Variants in CHCHD6 observed in about 807,000 individuals in gnomAD.
The protein encoded by CHCHD6 is MICOS complex subunit MIC25.
In CHCHD6, 28 loss-of-function variants were observed where a neutral mutation model predicts 32.3. The ratio of observed to expected loss-of-function variants is 0.87; its 90% CI spans 0.64 to 1.19. CHCHD6 has a LOEUF of 1.19. CHCHD6 is among the 50% of genes most tolerant of loss of function. The pLI, the probability that CHCHD6 is intolerant of heterozygous loss-of-function variation, is 0.00. For synonymous variants in CHCHD6, 122 were observed against 117.5 expected (o/e 1.04, Z -0.25); for missense variants, 333 against 307.0 (o/e 1.08, Z -0.63).
intron 4 of CHCHD6, among the ~76,000 whole-genome samples, chr3:126,775,390 T>A (rs1559836418): frequency 6.6e-6 from 1 of 152,194 alleles, no homozygotes; most frequent in Non-Finnish European, 1.5e-5. Flanking sequence ...TTCCCTCTCT[T>A]ATGAATTGCC....
chr3:126,952,707 T>G (rs1439088462), intron 6 of CHCHD6, among the ~76,000 whole-genome samples: 1 of 152,140 alleles, frequency 6.6e-6, no homozygotes, highest in Non-Finnish European at 1.5e-5. Context: ...TTGAAAAGCT[T>G]TTCCATATTT....
intron 5 of CHCHD6, among the ~76,000 whole-genome samples, chr3:126,911,778 C>G (rs1247208805): frequency 6.6e-6 from 1 of 152,244 alleles, no homozygotes; most frequent in Admixed American, 6.5e-5. Context: ...AGCACAGGCT[C>G]TGAGTGTCTA....
At chr3:126,862,430 C>G (rs1941954368) in intron 5 of CHCHD6, among the ~76,000 whole-genome samples, 1 of 116,994 alleles carries the variant, frequency 8.5e-6, no homozygotes, top group Admixed American at 9.0e-5. Flanking sequence ...ATCACCACCT[C>G]CTCCTCCTCC....
chr3:126,913,207 CTTTTTTTTTTTTTTTTT>C (rs546179022), intron 5 of CHCHD6, among the ~76,000 whole-genome samples: 66 of 33,780 alleles, frequency 2.0e-3, no homozygotes, highest in Non-Finnish European at 2.8e-3. Flanking sequence ...CCGTATGAGC[CTTTTTTTTTTTTTTTTT>C]TTTTTTTTTT....
At chr3:126,825,263 G>A (rs930391748) in intron 4 of CHCHD6, among the ~76,000 whole-genome samples, 3 of 151,912 alleles carry the variant, frequency 2.0e-5, no homozygotes, top group Non-Finnish European at 4.4e-5. Flanking sequence ...TAATTTCATG[G>A]TACTTAAATA....
At chr3:126,924,300 C>T (rs569405436) in intron 6 of CHCHD6, among the ~76,000 whole-genome samples, 18 of 152,214 alleles carry the variant, frequency 1.2e-4, no homozygotes, top group East Asian at 1.9e-4. Flanking sequence ...ATGTTCCTGA[C>T]GGGAGATAAT....
intron 4 of CHCHD6, among the ~76,000 whole-genome samples, chr3:126,827,887 G>A (rs1221004574): frequency 6.6e-6 from 1 of 152,184 alleles, no homozygotes; most frequent in African/African-American, 2.4e-5. Context: ...CACATGTTCA[G>A]AAATGTCAAA....
chr3:126,765,893 C>G (rs371361227), intron 4 of CHCHD6, among the ~76,000 whole-genome samples: 2 of 152,228 alleles, frequency 1.3e-5, no homozygotes, highest in Non-Finnish European at 2.9e-5. Flanking sequence ...GAACCAACAC[C>G]GGCTTAGGCC....
intron 5 of CHCHD6, among the ~76,000 whole-genome samples, chr3:126,912,252 C>G (rs963261024): frequency 1.3e-5 from 2 of 152,190 alleles, no homozygotes; most frequent in African/African-American, 2.4e-5. Flanking sequence ...CTAAGCAGTT[C>G]CCACCCAGGC....
chr3:126,850,974 A>AT (rs1375476680), intron 4 of CHCHD6, among the ~76,000 whole-genome samples: 3 of 152,150 alleles, frequency 2.0e-5, no homozygotes, highest in Non-Finnish European at 4.4e-5. Context: ...CCTTCCTGGC[A>AT]TTTTTAGATC....
intron 5 of CHCHD6, among the ~76,000 whole-genome samples, chr3:126,889,425 T>G (rs2077725140): frequency 6.6e-6 from 1 of 152,142 alleles, no homozygotes. Context: ...TACCCCAGCC[T>G]GGAAGGGGTG....
rs141435127 is a variant in CHCHD6 at position 126,769,461 on chromosome 3, T to C, written c.411+36239T>C. On this transcript the variant is annotated intron_variant, in intron 4 of 7. Coordinates refer to ENST00000290913, the MANE Select transcript of CHCHD6 (RefSeq NM_032343.3). Reference sequence around the variant, plus strand: ...AGTTGGGTAACATGATATCTCCCGCTTTGTTCTTTTTGCTTAGGATTGCCT... The same window carrying C: ...AGTTGGGTAACATGATATCTCCCGCCTTGTTCTTTTTGCTTAGGATTGCCT... Among the ~76,000 whole-genome samples the C allele has an allele frequency of 2.6e-3, 397 of 152,290 alleles. 1 individual carries two copies. Among genetic ancestry groups the C allele is most frequent in the African/African-American group, 9.0e-3 (376 of 41,576 alleles).
chr3:126,828,219 A>T (rs913490772), intron 4 of CHCHD6, among the ~76,000 whole-genome samples: 1 of 152,186 alleles, frequency 6.6e-6, no homozygotes, highest in Admixed American at 6.5e-5. Flanking sequence ...TCTGTAAGCT[A>T]AGGACTCTGC....
chr3:126,805,227 A>T (rs1365352141), intron 4 of CHCHD6, among the ~76,000 whole-genome samples: 9 of 152,212 alleles, frequency 5.9e-5, no homozygotes. Flanking sequence ...AAGGAAATAA[A>T]GGGTATTCAG....
At chr3:126,711,845 A>G (rs200343418) in intron 1 of CHCHD6, among the ~76,000 whole-genome samples, 2 of 152,236 alleles carry the variant, frequency 1.3e-5, no homozygotes, top group African/African-American at 2.4e-5. Context: ...CTGCTTTTCA[A>G]TGAACAGTAT....
chr3:126,742,491 C>G (rs981272116), intron 4 of CHCHD6, among the ~76,000 whole-genome samples: 1 of 152,136 alleles, frequency 6.6e-6, no homozygotes, highest in Non-Finnish European at 1.5e-5. Flanking sequence ...AATATTTGTC[C>G]CCTTCAAAAC....
intron 4 of CHCHD6, among the ~76,000 whole-genome samples, chr3:126,777,326 A>T (rs1937697481): frequency 6.6e-6 from 1 of 152,210 alleles, no homozygotes; most frequent in African/African-American, 2.4e-5. Flanking sequence ...GCAGTTCAGT[A>T]CACTCAGTTT....
At chr3:126,948,143 G>A (rs1389766918) in intron 6 of CHCHD6, among the ~76,000 whole-genome samples, 3 of 152,210 alleles carry the variant, frequency 2.0e-5, no homozygotes, top group African/African-American at 4.8e-5. Context: ...TCTGGGAAAC[G>A]GGTCCAACCC....
At chr3:126,778,229 A>G (rs983096148) in intron 4 of CHCHD6, among the ~76,000 whole-genome samples, 23 of 152,178 alleles carry the variant, frequency 1.5e-4, no homozygotes, top group African/African-American at 4.8e-4. Context: ...GCTGCTGTAA[A>G]CATTTGTCTA....
Sources: allele counts gnomAD v4.1 joint callset (sites outside exome capture counted in the v4.1 genomes callset), GRCh38; gene constraint gnomAD v4.1.1; transcripts MANE v1.5; gene names NCBI Gene and HGNC (gene_info 2026-07-23, HGNC 2026-07-21).